The following COX6B2 variants were observed in gnomAD, a reference collection of about 807,000 sequenced individuals.
COX6B2 encodes COX VIb-2.
In COX6B2, 12 loss-of-function variants were observed where a neutral mutation model predicts 13.7. The observed-to-expected ratio is 0.87, with a 90% CI of 0.56 to 1.41. COX6B2 has a LOEUF of 1.41. Ranked by LOEUF, COX6B2 falls within the 40% of genes most tolerant of loss-of-function variation. The pLI is 0.00. For synonymous variants in COX6B2, 56 were observed against 46.6 expected, an observed-to-expected ratio of 1.20 and a Z score of -0.82; for missense variants, 130 against 118.3, an observed-to-expected ratio of 1.10 and a Z score of -0.46.
At chr19:55,354,021 C>A in intron 2 of COX6B2, 55 bp from the exon 3 acceptor site, 4 of 1,410,822 alleles carry the variant, frequency 2.8e-6, no homozygotes, top group Non-Finnish European at 3.8e-6. Context: ...ACAGGACCCG[C>A]CCCTCCACTG....
At position 55,352,087 on chromosome 19, in the gene COX6B2, G is replaced by C. The variant is rs1236680136; in HGVS notation, c.*115-1287C>G. 6.6e-6 allele frequency: 1 copy of C among 152,294 alleles called. No individual in the cohort carries two copies. Among genetic ancestry groups the C allele is most frequent in the African/African-American group, 2.4e-5 (1 of 41,398 alleles). The allele number at this position is 152,294 out of a possible 1,614,324, so 9.4% of individuals were successfully genotyped here. ...CCTGTGCTTGGGATGTTACCTGGGT[G>C]ACCTCACCAACTTAGCTCCATTCTG... On this transcript the variant is annotated intron_variant, in intron 4 of 4. Transcript: ENST00000326529. This position sits in a 1 kb window ranked among gnomAD's most constrained non-coding sequence, Gnocchi z 6.2.
Position 55,350,482 on chromosome 19 carries a change from C to T in COX6B2, c.*433G>A, listed in dbSNP as rs1257734647. 2 of 152,332 alleles carry T rather than the reference C, an allele frequency of 1.3e-5. No homozygotes were observed. The highest frequency in any genetic ancestry group is 4.8e-5 in the African/African-American group (2 of 41,460). 9.4% of individuals were successfully genotyped at this position (152,332 alleles called of 1,614,324 possible). On this transcript the variant is annotated 3_prime_UTR_variant, in exon 5 of 5. Transcript: ENST00000326529. This position sits in a 1 kb window ranked among gnomAD's most constrained non-coding sequence, Gnocchi z 4.2. The stretch of plus-strand genomic sequence containing the variant: ...TGGAGGGTCAGGACAGCCTTAGGGA[C>T]GTGGGCGCTCTCAGTCATCTCGCCC...
At chr19:55,354,600 G>A in intron 1 of COX6B2, 50 bp downstream of exon 1, 2 of 1,067,658 alleles carry the variant, frequency 1.9e-6, no homozygotes, top group Non-Finnish European at 2.8e-6. Context: ...GCTCCGACCC[G>A]TCTCCCCATC....
intron 4 of COX6B2, 90 bp downstream of exon 4, chr19:55,353,517 T>A: frequency 1.6e-6 from 1 of 613,942 alleles, no homozygotes. Flanking sequence ...AAAGCAGCGT[T>A]AGCCCGGACA....
chr19:55,353,724 G>A lies in COX6B2; in HGVS notation c.264C>T (p.Ile88=), dbSNP rs779222457. ...AGAGGAAGCCGCGCTGGGGCAGTCA[G>A]ATTTTGCCGGCGAAAATCCCGTTCT... The part of the protein sequence containing the change: ...QIKNGIFAGK[I] The change falls in exon 4 of 5, where the codon ATC becomes ATT. Residue 88 remains isoleucine, a synonymous_variant. Coordinates refer to ENST00000326529, the MANE Select transcript of COX6B2 (RefSeq NM_144613.5). The A allele has an allele frequency of 6.2e-7, 1 of 1,609,768 alleles. No homozygotes were observed. The highest frequency in any genetic ancestry group is 1.1e-5 in the South Asian group (1 of 90,264).
Position 55,353,592 on chromosome 19 carries a change from T to A in COX6B2, c.*114+15A>T, listed in dbSNP as rs2089684505. On this transcript the variant is annotated intron_variant, in intron 4 of 4. Transcript: ENST00000326529. Reference sequence around the variant, plus strand: ...GCTGGCTGGGCATTAAGAAGAAACATCAGCAACAGCATACCATTATTCGTG... The same window carrying A: ...GCTGGCTGGGCATTAAGAAGAAACAACAGCAACAGCATACCATTATTCGTG... 1 of 852,578 alleles carries A rather than the reference T, an allele frequency of 1.2e-6. No individual in the cohort carries two copies. The highest frequency in any genetic ancestry group is 1.7e-5 in the South Asian group (1 of 59,670). The allele number at this position is 852,578 out of a possible 1,614,324, so 52.8% of individuals were successfully genotyped here.
chr19:55,353,252 G>A, intron 4 of COX6B2: 1 of 244,368 alleles, frequency 4.1e-6, no homozygotes, highest in East Asian at 1.4e-4. Flanking sequence ...GTCCAGGCAG[G>A]AGGGGAGTAG....
rs2089675246 is a variant in COX6B2 at position 55,352,319 on chromosome 19, G to A, written c.*114+1288C>T. Reference sequence around the variant, plus strand: ...TCATCCTGGGGGATGGCTCATCTAGGGTGTGTCCTGGGCAGCATGGAGGGC... The same window carrying A: ...TCATCCTGGGGGATGGCTCATCTAGAGTGTGTCCTGGGCAGCATGGAGGGC... On this transcript the variant is annotated intron_variant, in intron 4 of 4. Coordinates refer to ENST00000326529, the MANE Select transcript of COX6B2 (RefSeq NM_144613.5). The surrounding 1 kb of genome is among the most constrained non-coding windows in gnomAD (Gnocchi z 6.2). 6.6e-6 allele frequency: 1 copy of A among 152,266 alleles called. No individual in the cohort carries two copies. Among genetic ancestry groups the A allele is most frequent in the African/African-American group, 2.4e-5 (1 of 41,398 alleles). The allele number at this position is 152,266 out of a possible 1,614,324, so 9.4% of individuals were successfully genotyped here.
chr19:55,353,348 G>A, intron 4 of COX6B2: 2 of 373,600 alleles, frequency 5.4e-6, no homozygotes, highest in Non-Finnish European at 5.0e-6. Flanking sequence ...TTGAGAACTG[G>A]GGACCCTGGG....
intron 1 of COX6B2, 46 bp downstream of exon 1, chr19:55,354,604 C>G (rs1269356902): frequency 2.9e-6 from 3 of 1,018,518 alleles, no homozygotes; most frequent in African/African-American, 3.2e-5. Flanking sequence ...CGACCCGTCT[C>G]CCCATCCTGA....
intron 2 of COX6B2, 193 bp from the exon 3 acceptor site, chr19:55,354,159 C>T (rs11084396): frequency 0.53 from 335,407 of 637,514 alleles, 92,885 homozygotes; most frequent in East Asian, 0.77. Context: ...CAGACCCTGC[C>T]CCTACCTACC....
At position 55,353,645 on chromosome 19, in the gene COX6B2, TA is replaced by T; in HGVS notation, c.*75del. ...TTAGACACTGGGAGGTAGGGGTGGATAACCGAGACCCGGGGCTCCGCGAGAC... is the reference window on the plus strand; with the variant it reads ...TTAGACACTGGGAGGTAGGGGTGGATACCGAGACCCGGGGCTCCGCGAGAC... On this transcript the variant is annotated 3_prime_UTR_variant, in exon 4 of 5. Transcript: ENST00000326529. 1 of 1,420,776 alleles carries T rather than the reference TA, an allele frequency of 7.0e-7. No homozygotes were observed. Among genetic ancestry groups the T allele is most frequent in the South Asian group, 1.2e-5 (1 of 81,634 alleles). 88.0% of individuals were successfully genotyped at this position (1,420,776 alleles called of 1,614,324 possible).
chr19:55,350,100 C>T lies in COX6B2; in HGVS notation c.*815G>A, dbSNP rs959169158. ...TGAGATCGCATCATTGTACTCCAGC[C>T]TGGGTGACAGGAGCGAAACTCTGTC... On this transcript the variant is annotated 3_prime_UTR_variant, in exon 5 of 5. Coordinates refer to ENST00000326529, the MANE Select transcript of COX6B2 (RefSeq NM_144613.5). This position sits in a 1 kb window ranked among gnomAD's most constrained non-coding sequence, Gnocchi z 4.2. The T allele has an allele frequency of 1.3e-5, 2 of 152,104 alleles. No individual in the cohort carries two copies. The highest frequency in any genetic ancestry group is 1.5e-5 in the Non-Finnish European group (1 of 68,068). The allele number at this position is 152,104 out of a possible 1,614,324, so 9.4% of individuals were successfully genotyped here.
rs868054358 is a variant in COX6B2, at chr19:55,353,917, C to A, written c.162G>T (p.Gln54His). Residue 54 changes from glutamine to histidine, a missense_variant, in exon 3 of 5, where the codon CAG becomes CAT. Gln to His is a conservative substitution (Grantham distance 24). Coordinates refer to ENST00000326529, the MANE Select transcript of COX6B2 (RefSeq NM_144613.5). ...KTRTRRGKST[Q>H]PCEYYFRVYH... ...ACACGCGGAAATAGTACTCGCAGGG[C>A]TGCGTGCTCTTCCCGCGGCGGGTCC... 2.5e-6 allele frequency: 4 copies of A among 1,570,592 alleles called. No individual in the cohort carries two copies. The highest frequency in any genetic ancestry group is 3.4e-6 in the Non-Finnish European group (4 of 1,159,850).
intron 4 of COX6B2, chr19:55,351,761 C>T (rs986141107): frequency 6.6e-6 from 1 of 152,164 alleles, no homozygotes; most frequent in Non-Finnish European, 1.5e-5. Context: ...TACTGGACAC[C>T]AGGGAAAGCC....
intron 4 of COX6B2, chr19:55,353,252 G>C (rs377610287): frequency 4.1e-6 from 1 of 244,250 alleles, no homozygotes; most frequent in East Asian, 1.4e-4. Flanking sequence ...GTCCAGGCAG[G>C]AGGGGAGTAG....
At position 55,353,595 on chromosome 19, in the gene COX6B2, G is replaced by GC. The variant is rs1468562326; in HGVS notation, c.*114+11dup. ...GGCTGGGCATTAAGAAGAAACATCA[G>GC]CAACAGCATACCATTATTCGTGGCT... is the stretch of plus-strand genomic sequence containing the variant. On this transcript the variant is annotated intron_variant, in intron 4 of 4. Coordinates refer to ENST00000326529, the MANE Select transcript of COX6B2 (RefSeq NM_144613.5). 17 of 868,054 alleles carry GC rather than the reference G, an allele frequency of 2.0e-5. No homozygotes were observed. The highest frequency in any genetic ancestry group is 2.8e-5 in the Non-Finnish European group (16 of 563,340). 53.8% of individuals were successfully genotyped at this position (868,054 alleles called of 1,614,324 possible).
At position 55,353,637 on chromosome 19, in the gene COX6B2, G is replaced by A; in HGVS notation, c.*84C>T. The A allele has an allele frequency of 1.6e-6, 2 of 1,287,534 alleles. No homozygotes were observed. Among genetic ancestry groups the A allele is most frequent in the Non-Finnish European group, 2.2e-6 (2 of 910,122 alleles). The allele number at this position is 1,287,534 out of a possible 1,614,324, so 79.8% of individuals were successfully genotyped here. On this transcript the variant is annotated 3_prime_UTR_variant, in exon 4 of 5. Transcript: ENST00000326529. ...TTCGTGGCTTAGACACTGGGAGGTAGGGGTGGATAACCGAGACCCGGGGCT... is the reference window on the plus strand; with the variant it reads ...TTCGTGGCTTAGACACTGGGAGGTAAGGGTGGATAACCGAGACCCGGGGCT...
intron 2 of COX6B2, 149 bp from the exon 3 acceptor site, chr19:55,354,115 C>T (rs2089690581): frequency 8.4e-6 from 6 of 711,808 alleles, no homozygotes; most frequent in South Asian, 5.1e-5. Context: ...AGCCAGGCCC[C>T]GACCCCTACC....
Sources: gnomAD v4.1 joint callset for allele counts on GRCh38, gnomAD v4.1.1 for gene constraint, Gnocchi (gnomAD v3.1) non-coding constraint, MANE v1.5 for transcripts, NCBI Gene and HGNC (gene_info 2026-07-23, HGNC 2026-07-21) for gene names.